KLRG1: variants seen among roughly 807,000 people sequenced by gnomAD.
KLRG1 encodes killer cell lectin like receptor G1.
Under a neutral mutation model 21.8 loss-of-function variants are expected in KLRG1, and 16 were observed. The ratio of observed to expected loss-of-function variants is 0.73; its 90% CI spans 0.50 to 1.11. The LOEUF (loss-of-function observed/expected upper bound fraction) is 1.11, where lower values mean the gene tolerates loss of function less well. Ranked by LOEUF, KLRG1 falls within the 50% of genes most tolerant of loss-of-function variation. The probability of loss-of-function intolerance (pLI) is 0.00; values close to 1 mark genes in which losing one functional copy is unlikely to be tolerated. For synonymous variants in KLRG1, 69 were observed against 75.9 expected, an observed-to-expected ratio of 0.91 and a Z score of 0.47; for missense variants, 173 against 218.3, an observed-to-expected ratio of 0.79 and a Z score of 1.31.
the KLRG1 span, among the ~76,000 whole-genome samples, chr12:9,068,455 G>A: frequency 6.6e-6 from 1 of 152,102 alleles, no homozygotes. Context: ...CTCTTCAGAT[G>A]TTCTACTTAC....
the KLRG1 span, among the ~76,000 whole-genome samples, chr12:9,059,550 T>C: frequency 0.56 from 85,139 of 152,052 alleles, 25,410 homozygotes; most frequent in African/African-American, 0.76. Flanking sequence ...ACATCCAAGA[T>C]TAGACAGCTC....
At chr12:9,113,540 C>CAG in the KLRG1 span, 1 of 1,613,544 alleles carries the variant, frequency 6.2e-7, no homozygotes, top group African/African-American at 1.3e-5. Flanking sequence ...GAACCATATA[C>CAG]TGCCTGGGAA....
intron 2 of KLRG1, among the ~76,000 whole-genome samples, chr12:8,992,729 C>T (rs368342266): frequency 2.0e-5 from 3 of 151,212 alleles, no homozygotes; most frequent in African/African-American, 7.3e-5. Flanking sequence ...TTTGTAAAGA[C>T]ATTTCACCAT....
the KLRG1 span, among the ~76,000 whole-genome samples, chr12:9,022,941 G>A: frequency 2.0e-5 from 3 of 152,200 alleles, no homozygotes; most frequent in Non-Finnish European, 4.4e-5. Context: ...GAAAATCTGT[G>A]CCCCTTCTCA....
At chr12:9,197,328 A>G in the KLRG1 span, among the ~76,000 whole-genome samples, 3 of 148,176 alleles carry the variant, frequency 2.0e-5, no homozygotes, top group South Asian at 6.3e-4. Context: ...GTACCACCAC[A>G]TTCTCTTTGG....
intron 3 of KLRG1, among the ~76,000 whole-genome samples, chr12:8,997,369 C>T (rs1002008579): frequency 1.3e-5 from 2 of 152,132 alleles, no homozygotes; most frequent in Non-Finnish European, 1.5e-5. Context: ...ATTGATTTTA[C>T]GTGCCCTGCT....
the KLRG1 span, chr12:9,163,788 C>G: frequency 6.2e-7 from 1 of 1,610,434 alleles, no homozygotes; most frequent in East Asian, 2.2e-5. Context: ...AGTTCACATT[C>G]CCTAAAACAA....
the KLRG1 span, chr12:9,110,333 A>C: frequency 6.9e-7 from 1 of 1,440,754 alleles, no homozygotes; most frequent in Non-Finnish European, 9.3e-7. Context: ...TACTAGTGGA[A>C]TCTGAAAGAC....
chr12:9,068,227 G>T, the KLRG1 span: 5 of 1,305,924 alleles, frequency 3.8e-6, no homozygotes, highest in Non-Finnish European at 5.2e-6. Context: ...AAACTCATCT[G>T]AAAAAAAAAA....
the KLRG1 span, chr12:9,152,094 G>C: frequency 4.3e-5 from 32 of 750,230 alleles, no homozygotes; most frequent in Admixed American, 6.8e-4. Flanking sequence ...TTTACTTCCT[G>C]GGTTTGGGAA....
At chr12:9,070,546 G>A in the KLRG1 span, 50 of 1,613,568 alleles carry the variant, frequency 3.1e-5, no homozygotes, top group East Asian at 1.1e-4. Flanking sequence ...ATCAACGATC[G>A]CCATGTTGGA....
chr12:9,115,300 G>A, the KLRG1 span: 1 of 155,190 alleles, frequency 6.4e-6, no homozygotes, highest in African/African-American at 2.4e-5. Flanking sequence ...AGAGTCCCTT[G>A]CTTTTTCAAT....
At chr12:9,174,507 G>A in the KLRG1 span, among the ~76,000 whole-genome samples, 57 of 152,198 alleles carry the variant, frequency 3.7e-4, no homozygotes, top group Admixed American at 7.8e-4. Context: ...AAGTGTATTC[G>A]AATAGGAAGA....
chr12:9,145,297 CA>C, the KLRG1 span, among the ~76,000 whole-genome samples: 5 of 151,498 alleles, frequency 3.3e-5, no homozygotes, highest in African/African-American at 1.2e-4. Flanking sequence ...TTTTGTGTAC[CA>C]ATATACTTTG....
chr12:9,103,159 A>G, the KLRG1 span, among the ~76,000 whole-genome samples: 2 of 152,190 alleles, frequency 1.3e-5, no homozygotes, highest in Non-Finnish European at 2.9e-5. Context: ...ACTAAATGCT[A>G]ATTATGTTAG....
the KLRG1 span, chr12:9,203,691 G>C: frequency 6.5e-6 from 10 of 1,527,376 alleles, no homozygotes; most frequent in Non-Finnish European, 9.0e-6. Flanking sequence ...TCGCACACCA[G>C]AGCTCCATCA....
At chr12:9,207,556 T>C in the KLRG1 span, among the ~76,000 whole-genome samples, 7 of 152,174 alleles carry the variant, frequency 4.6e-5, no homozygotes, top group African/African-American at 1.4e-4. Flanking sequence ...GAGAGGACTG[T>C]TGGGTCCTGA....
the KLRG1 span, among the ~76,000 whole-genome samples, chr12:9,163,084 G>C: frequency 3.9e-5 from 6 of 151,954 alleles, no homozygotes; most frequent in African/African-American, 1.5e-4. Context: ...ACCAGGGAGG[G>C]TGGTAGAGAG....
chr12:9,120,887 T>TGTGTGTA, the KLRG1 span, among the ~76,000 whole-genome samples: 1 of 51,776 alleles, frequency 1.9e-5, no homozygotes, highest in South Asian at 8.5e-4. Context: ...GTGTGTGTAT[T>TGTGTGTA]TTTTTTTTTC....
Sources: gnomAD v4.1 joint callset for allele counts (sites outside exome capture counted in the v4.1 genomes callset) on GRCh38, gnomAD v4.1.1 for gene constraint, MANE v1.5 for transcripts, NCBI Gene and HGNC (gene_info 2026-07-23, HGNC 2026-07-21) for gene names.